Variants in CPNE4 observed in about 807,000 individuals in gnomAD.
The protein encoded by CPNE4 is copine 4.
CPNE4 carries 25 observed loss-of-function variants against 67.9 expected under a neutral mutation model. The ratio of observed to expected loss-of-function variants is 0.37; its 90% CI spans 0.27 to 0.51. The LOEUF (loss-of-function observed/expected upper bound fraction) is 0.51. CPNE4 is among the 20% of genes least tolerant of loss of function. CPNE4 has a pLI of 0.93. For synonymous variants in CPNE4, 242 were observed against 244.9 expected, an observed-to-expected ratio of 0.99 and a Z score of 0.11; for missense variants, 464 against 690.8, an observed-to-expected ratio of 0.67 and a Z score of 3.68.
intron 1 of CPNE4, among the ~76,000 whole-genome samples, chr3:132,024,896 C>T (rs1274953642): frequency 6.6e-6 from 1 of 152,102 alleles, no homozygotes; most frequent in African/African-American, 2.4e-5. Flanking sequence ...ACACAGGAGA[C>T]AAAATTCATG....
chr3:131,998,150 C>A (rs991025383), intron 1 of CPNE4, among the ~76,000 whole-genome samples: 1 of 152,084 alleles, frequency 6.6e-6, no homozygotes, highest in African/African-American at 2.4e-5. Context: ...CCCTCTCTAC[C>A]ACACCAGGAA....
chr3:131,586,728 CTGTCTG>C (rs1938206083), intron 8 of CPNE4, among the ~76,000 whole-genome samples: 1 of 93,790 alleles, frequency 1.1e-5, no homozygotes, highest in Non-Finnish European at 2.0e-5. Flanking sequence ...CTATCTCTAT[CTGTCTG>C]TCTGTCTGTC....
At position 131,660,176 on chromosome 3, in the gene CPNE4, C is replaced by T. The variant is rs558374785; in HGVS notation, c.681+9499G>A. The stretch of plus-strand genomic sequence containing the variant: ...GGTTTCTTGGAAACAAACAAGCAAA[C>T]TAGCACTTGCTTTGGCAAGGTAGGC... On this transcript the variant is annotated intron_variant, in intron 7 of 15. Transcript: ENST00000429747. 7.2e-5 allele frequency among the ~76,000 whole-genome samples: 11 copies of T among 152,318 alleles called. No homozygotes were observed. The South Asian group carries it at 2.3e-3, about 32-fold the overall frequency.
chr3:131,874,508 T>C (rs1046375470), intron 2 of CPNE4, among the ~76,000 whole-genome samples: 9 of 152,218 alleles, frequency 5.9e-5, no homozygotes, highest in Admixed American at 5.9e-4. Flanking sequence ...TCTCTGTTGG[T>C]TGTATGACCC....
At chr3:131,823,321 G>C (rs1248784793) in intron 2 of CPNE4, among the ~76,000 whole-genome samples, 1 of 152,220 alleles carries the variant, frequency 6.6e-6, no homozygotes, top group Non-Finnish European at 1.5e-5. Flanking sequence ...GAATGAATGT[G>C]TGGAAAGGTT....
At chr3:131,627,425 G>A (rs1483680881) in intron 7 of CPNE4, among the ~76,000 whole-genome samples, 1 of 152,130 alleles carries the variant, frequency 6.6e-6, no homozygotes, top group African/African-American at 2.4e-5. Context: ...AAGCTCTGAT[G>A]AAGATGTACA....
chr3:131,857,993 GTCT>G (rs774104526), intron 2 of CPNE4, among the ~76,000 whole-genome samples: 2 of 152,022 alleles, frequency 1.3e-5, no homozygotes, highest in Non-Finnish European at 2.9e-5. Flanking sequence ...ATGCAAATAA[GTCT>G]TCTTGACAAT....
intron 2 of CPNE4, among the ~76,000 whole-genome samples, chr3:131,797,665 C>T (rs1006076340): frequency 6.6e-6 from 1 of 152,150 alleles, no homozygotes; most frequent in Admixed American, 6.6e-5. Context: ...TAAGTATTAT[C>T]CTCCATCTAG....
intron 6 of CPNE4, among the ~76,000 whole-genome samples, chr3:131,685,401 A>G (rs2107679975): frequency 8.1e-6 from 1 of 123,264 alleles, no homozygotes; most frequent in South Asian, 2.8e-4. Context: ...TTGAGGATTA[A>G]AAGTGAAAAA....
chr3:131,606,142 G>C (rs766015197), intron 7 of CPNE4, among the ~76,000 whole-genome samples: 40 of 152,160 alleles, frequency 2.6e-4, no homozygotes, highest in Non-Finnish European at 5.4e-4. Context: ...GATTCCATTT[G>C]TATAGCTTAA....
Position 131,614,910 on chromosome 3 carries a change from A to G in CPNE4, c.682-27328T>C, listed in dbSNP as rs1671110431. Among the ~76,000 whole-genome samples, 3 of 152,208 alleles carry G rather than the reference A, an allele frequency of 2.0e-5. No individual in the cohort carries two copies. The South Asian group carries it at 6.2e-4, about 32-fold the overall frequency. ...TAATACTCTTGTTCTTAGCCAAGTT[A>G]TGGGTATACTGCATTGTTCTCAGGG... On this transcript the variant is annotated intron_variant, in intron 7 of 15. Transcript: ENST00000429747.
At chr3:131,778,580 G>GT (rs1295372397) in intron 2 of CPNE4, among the ~76,000 whole-genome samples, 1 of 152,102 alleles carries the variant, frequency 6.6e-6, no homozygotes. Context: ...CATAGTCTGT[G>GT]TTTTTGTTTC....
At chr3:131,621,421 T>C (rs1351789870) in intron 7 of CPNE4, among the ~76,000 whole-genome samples, 2 of 152,042 alleles carry the variant, frequency 1.3e-5, no homozygotes, top group African/African-American at 4.8e-5. Context: ...ATTAAAACTT[T>C]TTTTTGTAGA....
intron 1 of CPNE4, among the ~76,000 whole-genome samples, chr3:131,917,511 C>T (rs1386865268): frequency 1.3e-5 from 2 of 151,918 alleles, no homozygotes; most frequent in Admixed American, 6.6e-5. Context: ...GGAGTGGTGT[C>T]GGCATGTCAA....
At chr3:131,788,311 A>G (rs778860199) in intron 2 of CPNE4, among the ~76,000 whole-genome samples, 9 of 152,218 alleles carry the variant, frequency 5.9e-5, no homozygotes, top group Middle Eastern at 3.4e-3. Flanking sequence ...CATGCTGATT[A>G]ATTAATAAAA....
At chr3:131,959,295 C>T (rs1185139063) in intron 1 of CPNE4, among the ~76,000 whole-genome samples, 3 of 29,730 alleles carry the variant, frequency 1.0e-4, no homozygotes, top group South Asian at 1.7e-3. Context: ...CCACCGCGCC[C>T]GGCCGATACA....
At chr3:131,662,475 G>T (rs534009934) in intron 7 of CPNE4, among the ~76,000 whole-genome samples, 1 of 152,098 alleles carries the variant, frequency 6.6e-6, no homozygotes, top group Non-Finnish European at 1.5e-5. Flanking sequence ...ATCAGAAACC[G>T]TGCTGAACTA....
At chr3:131,977,402 T>C (rs57367098) in intron 1 of CPNE4, among the ~76,000 whole-genome samples, 17,007 of 152,096 alleles carry the variant, frequency 0.11, 3,003 homozygotes, top group African/African-American at 0.37. Flanking sequence ...CCTTTCAGGG[T>C]TGTGAAAAGT....
At chr3:131,858,633 G>A (rs975263040) in intron 2 of CPNE4, among the ~76,000 whole-genome samples, 1 of 152,100 alleles carries the variant, frequency 6.6e-6, no homozygotes, top group Non-Finnish European at 1.5e-5. Context: ...CATCACACCA[G>A]TGAAACATTT....
Sources: allele counts gnomAD v4.1 joint callset (sites outside exome capture counted in the v4.1 genomes callset), GRCh38; gene constraint gnomAD v4.1.1; transcripts MANE v1.5; gene names NCBI Gene and HGNC (gene_info 2026-07-23, HGNC 2026-07-21).